TRAF3IP3: variants seen among roughly 807,000 people sequenced by gnomAD.
The protein encoded by TRAF3IP3 is TRAF3 interacting protein 3, also known as TRAF3-interacting JNK-activating modulator.
In TRAF3IP3, 64 loss-of-function variants were observed where a neutral mutation model predicts 86.5. That is an observed-to-expected ratio of 0.74 (90% CI 0.60 to 0.91). TRAF3IP3 has a LOEUF of 0.91. Among genes scored for constraint, TRAF3IP3 ranks in the 40% least tolerant of loss-of-function variants. TRAF3IP3 has a pLI of 0.00. For synonymous variants in TRAF3IP3, 220 were observed against 243.9 expected (o/e 0.90, Z 0.91); for missense variants, 579 against 642.9 (o/e 0.90, Z 1.07).
chr1:209,772,004 T>TGTGTGCAGGTGGAAGTGTAC (rs2077551910), intron 8 of TRAF3IP3, among the ~76,000 whole-genome samples: 3 of 149,194 alleles, frequency 2.0e-5, no homozygotes, highest in East Asian at 2.0e-4. Flanking sequence ...TGGAAGTGTA[T>TGTGTGCAGGTGGAAGTGTAC]GTGTGCAGGT....
At chr1:209,769,881 C>T (rs2077429794) in intron 8 of TRAF3IP3, among the ~76,000 whole-genome samples, 1 of 152,196 alleles carries the variant, frequency 6.6e-6, no homozygotes, top group Non-Finnish European at 1.5e-5. Context: ...CCGGTCACTG[C>T]CCTTTCTCTG....
intron 8 of TRAF3IP3, among the ~76,000 whole-genome samples, chr1:209,772,260 T>C (rs1014080233): frequency 1.3e-5 from 2 of 152,186 alleles, no homozygotes; most frequent in Admixed American, 6.5e-5. Context: ...TCTCTCTTCC[T>C]GGCTTACAGA....
At position 209,764,457 on chromosome 1, in the gene TRAF3IP3, C is replaced by G. The variant is rs139691742; in HGVS notation, c.702+870C>G. ...TGGGGTACAGGCAAAGGTCTAAAGG[C>G]AAGGCCGGGGGTGGTGGCTCACACC... On this transcript the variant is annotated intron_variant, in intron 8 of 16. Transcript: ENST00000367025. 6.6e-4 allele frequency among the ~76,000 whole-genome samples: 100 copies of G among 152,240 alleles called. 1 individual carries two copies. Among genetic ancestry groups the G allele is most frequent in the Admixed American group, 6.0e-3 (92 of 15,286 alleles).
chr1:209,777,518 T>A, intron 12 of TRAF3IP3, 31 bp downstream of exon 12: 1 of 1,551,934 alleles, frequency 6.4e-7, no homozygotes. Flanking sequence ...CTTGAGTGCA[T>A]GGCAGCCATG....
chr1:209,757,743 A>T (rs1164382642), intron 1 of TRAF3IP3, among the ~76,000 whole-genome samples: 1 of 152,194 alleles, frequency 6.6e-6, no homozygotes, highest in Non-Finnish European at 1.5e-5. Context: ...CATAACAAGG[A>T]TAATATTCGC....
intron 8 of TRAF3IP3, among the ~76,000 whole-genome samples, chr1:209,764,377 A>G (rs1486018584): frequency 6.6e-6 from 1 of 152,214 alleles, no homozygotes; most frequent in Non-Finnish European, 1.5e-5. Context: ...GAGCCAGGGG[A>G]ATACTTATAT....
chr1:209,756,410 T>A (rs1053804211), intron 1 of TRAF3IP3, 101 bp downstream of exon 1: 1 of 151,768 alleles, frequency 6.6e-6, no homozygotes, highest in African/African-American at 2.4e-5. Flanking sequence ...GGGTGGAGAG[T>A]GGGTGGCATA....
intron 2 of TRAF3IP3, 90 bp from the exon 3 acceptor site, chr1:209,759,892 T>A (rs749452488): frequency 7.7e-6 from 5 of 648,180 alleles, no homozygotes; most frequent in African/African-American, 7.3e-5. Flanking sequence ...TGGAACTCTG[T>A]GCTATTTCTG....
At chr1:209,777,819 C>G in intron 12 of TRAF3IP3, 1 of 527,290 alleles carries the variant, frequency 1.9e-6, no homozygotes, top group Non-Finnish European at 3.4e-6. Context: ...AGTTGAAACA[C>G]AAGGCATAGA....
At chr1:209,766,168 C>T (rs2077352341) in intron 8 of TRAF3IP3, among the ~76,000 whole-genome samples, 1 of 152,214 alleles carries the variant, frequency 6.6e-6, no homozygotes, top group Non-Finnish European at 1.5e-5. Flanking sequence ...CTAAGCTCAG[C>T]CCTGCTCCTC....
chr1:209,767,457 G>A (rs1022467601), intron 8 of TRAF3IP3, among the ~76,000 whole-genome samples: 2 of 152,042 alleles, frequency 1.3e-5, no homozygotes, highest in Non-Finnish European at 2.9e-5. Flanking sequence ...ACACTTTGGG[G>A]GGCCAAGGCA....
intron 6 of TRAF3IP3, 57 bp from the exon 7 acceptor site, chr1:209,763,306 T>C: frequency 6.3e-7 from 1 of 1,591,276 alleles, no homozygotes; most frequent in Non-Finnish European, 8.6e-7. Flanking sequence ...TGGTTCTATA[T>C]CCCAGGGTTT....
intron 11 of TRAF3IP3, 146 bp from the exon 12 acceptor site, chr1:209,777,206 A>C (rs2077672238): frequency 1.7e-6 from 1 of 597,342 alleles, no homozygotes; most frequent in African/African-American, 1.9e-5. Context: ...AAAAAGAAAG[A>C]CTTCTCTATT....
chr1:209,760,532 T>G lies in TRAF3IP3; in HGVS notation c.345+148T>G, dbSNP rs192018201. 424 of 684,728 alleles carry G rather than the reference T, an allele frequency of 6.2e-4. No individual in the cohort carries two copies. The African/African-American group carries it at 6.4e-3, about 10-fold the overall frequency. The allele number at this position is 684,728 out of a possible 1,614,324, so 42.4% of individuals were successfully genotyped here. A position where few individuals can be genotyped will look rare whatever the true frequency, so the allele number is the denominator to read the frequency against. ...TAAAGTTGCCAAGAGCTACTTATAG[T>G]AAAGTTGCCAACAGCTACTTATTCA... is the stretch of plus-strand genomic sequence containing the variant. On this transcript the variant is annotated intron_variant, in intron 3 of 16. Coordinates refer to ENST00000367025, the MANE Select transcript of TRAF3IP3 (RefSeq NM_025228.4).
intron 8 of TRAF3IP3, among the ~76,000 whole-genome samples, chr1:209,770,918 GA>G (rs2077480250): frequency 6.8e-6 from 1 of 146,634 alleles, no homozygotes. Flanking sequence ...GTGTGCAGGT[GA>G]AGGTGTGCGT....
intron 11 of TRAF3IP3, 140 bp downstream of exon 11, chr1:209,775,876 C>T (rs2077644677): frequency 2.7e-6 from 2 of 748,664 alleles, no homozygotes; most frequent in South Asian, 2.1e-5. Context: ...CTACTTTGTA[C>T]CAAATTCACT....
Position 209,764,934 on chromosome 1 carries a change from G to A in TRAF3IP3, c.702+1347G>A, listed in dbSNP as rs2077313835. 4.6e-5 allele frequency among the ~76,000 whole-genome samples: 7 copies of A among 152,052 alleles called. 1 individual carries two copies. In the South Asian group the frequency reaches 1.5e-3, roughly 32 times the overall value. The stretch of plus-strand genomic sequence containing the variant: ...CATGTCTGTAAATCCCAGCACTTTG[G>A]AAGGCTGATGCAGGAAGATCACCTG... On this transcript the variant is annotated intron_variant, in intron 8 of 16. Transcript: ENST00000367025.
intron 12 of TRAF3IP3, 90 bp downstream of exon 12, chr1:209,777,577 C>G (rs190640676): frequency 1.3e-4 from 176 of 1,354,286 alleles, no homozygotes; most frequent in Admixed American, 1.1e-3. Flanking sequence ...AAGGCTTCAG[C>G]CTTTTATTTG....
intron 13 of TRAF3IP3, 62 bp downstream of exon 13, chr1:209,778,235 A>G: frequency 7.0e-7 from 1 of 1,425,134 alleles, no homozygotes; most frequent in Non-Finnish European, 9.9e-7. Context: ...GGCCCACAAA[A>G]GGCACCCAGA....
Sources: gnomAD v4.1 joint callset for allele counts (sites outside exome capture counted in the v4.1 genomes callset) on GRCh38, gnomAD v4.1.1 for gene constraint, MANE v1.5 for transcripts, NCBI Gene and HGNC (gene_info 2026-07-23, HGNC 2026-07-21) for gene names.